SLC2A3: variants seen among roughly 807,000 people sequenced by gnomAD.
SLC2A3 encodes solute carrier family 2 member 3.
Under a neutral mutation model 46.4 loss-of-function variants are expected in SLC2A3, and 21 were observed. That is an observed-to-expected ratio of 0.45 (90% CI 0.32 to 0.65). The LOEUF is 0.65. Ranked by LOEUF, SLC2A3 falls within the 30% of genes least tolerant of loss-of-function variation. SLC2A3 has a pLI of 0.04. For synonymous variants in SLC2A3, 213 were observed against 239.4 expected (o/e 0.89, Z 1.02); for missense variants, 499 against 623.3 (o/e 0.80, Z 2.12).
intron 3 of SLC2A3, among the ~76,000 whole-genome samples, chr12:7,931,797 G>C (rs1946158759): frequency 1.3e-5 from 2 of 151,324 alleles, no homozygotes; most frequent in South Asian, 2.1e-4. Flanking sequence ...AAAAACAAAA[G>C]AACAACATAA....
chr12:7,935,751 G>A (rs758143506), intron 1 of SLC2A3, among the ~76,000 whole-genome samples: 15 of 152,160 alleles, frequency 9.9e-5, no homozygotes, highest in Admixed American at 7.9e-4. Context: ...CAACCATCTC[G>A]TCCTCAGTGG....
rs58736663 is a variant in SLC2A3 at position 7,927,124 on chromosome 12, C to T, written c.862-1176G>A. ...GAAACAACTCTTTAAATCCCTAGTACGTAAGATGTAAACTATGTATATTCA... is the reference window on the plus strand; with the variant it reads ...GAAACAACTCTTTAAATCCCTAGTATGTAAGATGTAAACTATGTATATTCA... On this transcript the variant is annotated intron_variant, in intron 6 of 9. Coordinates refer to ENST00000075120, the MANE Select transcript of SLC2A3 (RefSeq NM_006931.3). Among the ~76,000 whole-genome samples, 575 of 152,070 alleles carry T rather than the reference C, an allele frequency of 3.8e-3. 4 individuals are homozygous for T. Among genetic ancestry groups the T allele is most frequent in the African/African-American group, 0.013 (531 of 41,500 alleles).
chr12:7,925,469 C>T (rs894172937), intron 7 of SLC2A3: 4 of 182,892 alleles, frequency 2.2e-5, no homozygotes, highest in African/African-American at 4.7e-5. Context: ...GTGTCCACTA[C>T]GGAACTGATT....
At chr12:7,931,096 T>C in intron 4 of SLC2A3, 149 bp downstream of exon 4, 3 of 1,405,390 alleles carry the variant, frequency 2.1e-6, no homozygotes, top group Non-Finnish European at 2.9e-6. Flanking sequence ...GCGCCCGGCC[T>C]CAGCCTGCTT....
rs190379196 is a variant in SLC2A3 at position 7,929,628 on chromosome 12, C to T, written c.861+56G>A. On this transcript the variant is annotated intron_variant, in intron 6 of 9. Transcript: ENST00000075120. ...TACAGAGGCACACCGCCACCATGCC[C>T]GGCATTTTAAGTGAAATACTTTAAG... 1,050 of 1,596,190 alleles carry T rather than the reference C, an allele frequency of 6.6e-4. 1 individual carries two copies. The highest frequency in any genetic ancestry group is 1.3e-3 in the Middle Eastern group (8 of 6,008).
At position 7,923,020 on chromosome 12, in the gene SLC2A3, T is replaced by C; in HGVS notation, c.1073A>G (p.Asn358Ser). 6.2e-7 allele frequency: 1 copy of C among 1,612,732 alleles called. No individual in the cohort carries two copies. The highest frequency in any genetic ancestry group is 8.5e-7 in the Non-Finnish European group (1 of 1,179,374). ...ACAGACAAAGCTCATCCCATTATAG[T>C]TATCCTGTAAGAGCAAGGAACAGAG... ...LMTVSLLLKD[N>S]YNGMSFVCIG... The change falls in exon 9 of 10, where the codon AAC becomes AGC. Residue 358 changes from asparagine (N) to serine (S), a missense_variant. Coordinates refer to ENST00000075120, the MANE Select transcript of SLC2A3 (RefSeq NM_006931.3).
chr12:7,930,948 T>A (rs1472170800), intron 4 of SLC2A3, among the ~76,000 whole-genome samples: 1 of 151,798 alleles, frequency 6.6e-6, no homozygotes, highest in Non-Finnish European at 1.5e-5. Flanking sequence ...AGGTGCCCGC[T>A]ACCACGCCCG....
At chr12:7,930,674 C>T in intron 4 of SLC2A3, 32 bp from the exon 5 acceptor site, 3 of 1,587,688 alleles carry the variant, frequency 1.9e-6, no homozygotes, top group Non-Finnish European at 2.6e-6. Flanking sequence ...TGCTATAAAC[C>T]CCATACTTCA....
intron 6 of SLC2A3, among the ~76,000 whole-genome samples, chr12:7,927,162 T>C (rs775331531): frequency 6.6e-6 from 1 of 152,152 alleles, no homozygotes; most frequent in African/African-American, 2.4e-5. Flanking sequence ...TTTTCTAAAA[T>C]AAGATAATTG....
intron 2 of SLC2A3, 32 bp downstream of exon 2, chr12:7,933,778 C>A: frequency 6.2e-7 from 1 of 1,601,354 alleles, no homozygotes; most frequent in Non-Finnish European, 8.5e-7. Context: ...CTTCCCTATT[C>A]TAAATTCTAA....
chr12:7,932,853 G>A (rs1592358588), intron 3 of SLC2A3, 134 bp downstream of exon 3: 13 of 1,326,560 alleles, frequency 9.8e-6, no homozygotes, highest in Admixed American at 2.4e-5. Flanking sequence ...GGGGCCAGTT[G>A]GACTAGGTTT....
chr12:7,931,501 A>C lies in SLC2A3; in HGVS notation c.270-16T>G. 1.2e-6 allele frequency: 2 copies of C among 1,613,568 alleles called. No homozygotes were observed. Among genetic ancestry groups the C allele is most frequent in the Non-Finnish European group, 1.7e-6 (2 of 1,179,526 alleles). The stretch of plus-strand genomic sequence containing the variant: ...TGAATTGCGCCTGTAAGGTTAATCA[A>C]AGACAAAGTAGAATTAGCAAAGTGA... On this transcript the variant is annotated splice_polypyrimidine_tract_variant and intron_variant, in intron 3 of 9. Coordinates refer to ENST00000075120, the MANE Select transcript of SLC2A3 (RefSeq NM_006931.3).
chr12:7,928,289 T>G (rs1946115351), intron 6 of SLC2A3, among the ~76,000 whole-genome samples: 1 of 151,848 alleles, frequency 6.6e-6, no homozygotes, highest in Non-Finnish European at 1.5e-5. Flanking sequence ...TCCCAGCTAC[T>G]CGGGAGGCTG....
At position 7,921,007 on chromosome 12, in the gene SLC2A3, A is replaced by G; in HGVS notation, c.*406T>C. On this transcript the variant is annotated 3_prime_UTR_variant, in exon 10 of 10. Transcript: ENST00000075120. ...GTGAGGAAGGTGCTCTTACATAAAC[A>G]CCCTCCGGCTTCCACACTCATATGT... is the stretch of plus-strand genomic sequence containing the variant. 4.2e-6 allele frequency: 1 copy of G among 237,362 alleles called. No homozygotes were observed. The highest frequency in any genetic ancestry group is 2.3e-5 in the African/African-American group (1 of 42,832). 14.7% of individuals were successfully genotyped at this position (237,362 alleles called of 1,614,324 possible).
chr12:7,926,677 T>TA (rs1946098377), intron 6 of SLC2A3, among the ~76,000 whole-genome samples: 2 of 152,158 alleles, frequency 1.3e-5, no homozygotes, highest in Non-Finnish European at 2.9e-5. Context: ...AATGCTTTTT[T>TA]AATTGGCTCT....
chr12:7,927,098 C>T (rs188685198), intron 6 of SLC2A3, among the ~76,000 whole-genome samples: 24 of 152,144 alleles, frequency 1.6e-4, no homozygotes, highest in Admixed American at 8.5e-4. Flanking sequence ...TACCTTCTCA[C>T]GAAACAACTC....
At chr12:7,927,046 T>G (rs1946102263) in intron 6 of SLC2A3, among the ~76,000 whole-genome samples, 1 of 152,152 alleles carries the variant, frequency 6.6e-6, no homozygotes. Context: ...ATAGCAATAT[T>G]TATTAGTCTT....
At chr12:7,931,875 T>C (rs1946159311) in intron 3 of SLC2A3, among the ~76,000 whole-genome samples, 4 of 123,550 alleles carry the variant, frequency 3.2e-5, no homozygotes, top group Admixed American at 2.3e-4. Context: ...GAATATCTAA[T>C]TGGCATTTTT....
chr12:7,930,752 T>A (rs2121195727), intron 4 of SLC2A3, 110 bp from the exon 5 acceptor site: 3 of 1,074,768 alleles, frequency 2.8e-6, no homozygotes, highest in South Asian at 1.9e-5. Flanking sequence ...TGTGAAAAAA[T>A]AAACAAATTG....
Sources: gnomAD v4.1 joint callset for allele counts (sites outside exome capture counted in the v4.1 genomes callset) on GRCh38, gnomAD v4.1.1 for gene constraint, MANE v1.5 for transcripts, NCBI Gene and HGNC (gene_info 2026-07-23, HGNC 2026-07-21) for gene names.